The following SEMA3E variants were observed in gnomAD, a reference collection of about 807,000 sequenced individuals.
The protein encoded by SEMA3E is semaphorin-3E.
SEMA3E carries 49 observed loss-of-function variants against 93.6 expected under a neutral mutation model. The ratio of observed to expected loss-of-function variants is 0.52; its 90% CI spans 0.42 to 0.66. The LOEUF is 0.66. Ranked by LOEUF, SEMA3E falls within the 30% of genes least tolerant of loss-of-function variation. The pLI, the probability that SEMA3E is intolerant of heterozygous loss-of-function variation, is 0.00. For missense variants in SEMA3E, 906 were observed against 964.8 expected (o/e 0.94, Z 0.81); for synonymous variants, 363 against 330.7 (o/e 1.10, Z -1.06).
At chr7:83,510,192 A>T (rs1790788489) in intron 1 of SEMA3E, among the ~76,000 whole-genome samples, 1 of 152,168 alleles carries the variant, frequency 6.6e-6, no homozygotes. Flanking sequence ...ATCCTGTCAA[A>T]TCCACTCCAT....
intron 2 of SEMA3E, among the ~76,000 whole-genome samples, chr7:83,489,474 C>A (rs556527277): frequency 6.6e-6 from 1 of 151,768 alleles, no homozygotes; most frequent in South Asian, 2.1e-4. Flanking sequence ...AAGTGTATTA[C>A]ATAATACATG....
intron 1 of SEMA3E, among the ~76,000 whole-genome samples, chr7:83,571,621 T>C (rs536965482): frequency 6.6e-6 from 1 of 152,330 alleles, no homozygotes; most frequent in Admixed American, 6.5e-5. Flanking sequence ...AACATCATAC[T>C]GAATGAGCAA....
Position 83,418,387 on chromosome 7 carries a change from T to C in SEMA3E, c.550+3A>G. On this transcript the variant is annotated splice_donor_region_variant and intron_variant, in intron 5 of 16. Coordinates refer to ENST00000643230, the MANE Select transcript of SEMA3E (RefSeq NM_012431.3). ...ACCTGATGTCTGTGGCAATGACAAT[T>C]ACCAATTAAAGTGGAGATGAAGGAG... 1 of 1,600,138 alleles carries C rather than the reference T, an allele frequency of 6.2e-7. No homozygotes were observed. Among genetic ancestry groups the C allele is most frequent in the Non-Finnish European group, 8.6e-7 (1 of 1,168,766 alleles).
chr7:83,535,552 G>C (rs1791395021), intron 1 of SEMA3E, among the ~76,000 whole-genome samples: 1 of 151,906 alleles, frequency 6.6e-6, no homozygotes, highest in Non-Finnish European at 1.5e-5. Flanking sequence ...TTGCCTCAAA[G>C]ACAGCATTAA....
intron 1 of SEMA3E, among the ~76,000 whole-genome samples, chr7:83,584,623 T>C (rs1249123256): frequency 6.6e-6 from 1 of 152,150 alleles, no homozygotes; most frequent in African/African-American, 2.4e-5. Context: ...CAAAGCAAGC[T>C]GCTCTACGCC....
intron 8 of SEMA3E, 31 bp from the exon 9 acceptor site, chr7:83,405,550 G>A (rs1427231421): frequency 6.3e-7 from 1 of 1,583,570 alleles, no homozygotes; most frequent in African/African-American, 1.3e-5. Flanking sequence ...CCATCGCTTA[G>A]TATTTTTAGC....
intron 7 of SEMA3E, among the ~76,000 whole-genome samples, chr7:83,406,368 T>C: frequency 6.6e-6 from 1 of 152,114 alleles, no homozygotes; most frequent in East Asian, 1.9e-4. Flanking sequence ...ACAGTAATCA[T>C]GATTATTACT....
At chr7:83,521,700 G>A (rs1791052392) in intron 1 of SEMA3E, among the ~76,000 whole-genome samples, 1 of 152,040 alleles carries the variant, frequency 6.6e-6, no homozygotes, top group African/African-American at 2.4e-5. Flanking sequence ...CTGTCTTCTG[G>A]TGTTGTCCTC....
At chr7:83,634,674 G>A (rs1181942282) in intron 1 of SEMA3E, among the ~76,000 whole-genome samples, 1 of 151,700 alleles carries the variant, frequency 6.6e-6, no homozygotes. Flanking sequence ...GAATTACAAG[G>A]AAATTAAACC....
intron 1 of SEMA3E, among the ~76,000 whole-genome samples, chr7:83,628,033 A>G (rs1355556619): frequency 6.6e-6 from 1 of 152,102 alleles, no homozygotes; most frequent in Non-Finnish European, 1.5e-5. Flanking sequence ...ATCCCTCAGC[A>G]TTTGCTTGTC....
chr7:83,648,004 T>C (rs745595290), intron 1 of SEMA3E, among the ~76,000 whole-genome samples: 1 of 152,154 alleles, frequency 6.6e-6, no homozygotes, highest in Non-Finnish European at 1.5e-5. Context: ...AAAGAACAAA[T>C]TGCACCCCTA....
Position 83,648,453 on chromosome 7 carries a change from G to T in SEMA3E, c.90C>A (p.His30Gln). The T allele has an allele frequency of 5.0e-6, 8 of 1,612,030 alleles. No homozygotes were observed. The highest frequency in any genetic ancestry group is 6.8e-6 in the Non-Finnish European group (8 of 1,179,020). Residue 30 changes from histidine to glutamine, a missense_variant, in exon 1 of 17, where the codon CAC becomes CAA. Physicochemically the swap from His to Gln is conservative, Grantham distance 24. Transcript: ENST00000643230. The part of the protein sequence containing the change: ...WTGGHTADTT[H>Q]PRLRLSHKEL... ...CTTTATGTGACAGGCGTAACCGGGG[G>T]TGGGTAGTATCAGCTGTATGACCTC...
chr7:83,401,160 A>T (rs1482422357), intron 10 of SEMA3E, among the ~76,000 whole-genome samples: 1 of 152,172 alleles, frequency 6.6e-6, no homozygotes, highest in East Asian at 1.9e-4. Context: ...ACTACTGACT[A>T]AAAAATTAAA....
At chr7:83,553,272 C>T (rs1202553969) in intron 1 of SEMA3E, among the ~76,000 whole-genome samples, 2 of 152,130 alleles carry the variant, frequency 1.3e-5, no homozygotes, top group African/African-American at 4.8e-5. Context: ...TGCATAGTCT[C>T]TTTCCTCCTC....
chr7:83,533,956 C>G (rs1383938152), intron 1 of SEMA3E, among the ~76,000 whole-genome samples: 1 of 152,144 alleles, frequency 6.6e-6, no homozygotes, highest in African/African-American at 2.4e-5. Context: ...CTAGGACTCT[C>G]CTCTTTATCC....
intron 1 of SEMA3E, among the ~76,000 whole-genome samples, chr7:83,637,023 A>AGTGT (rs201112364): frequency 2.0e-5 from 3 of 148,886 alleles, no homozygotes; most frequent in Non-Finnish European, 3.0e-5. Flanking sequence ...TATGTGTGAG[A>AGTGT]GTGTGTGTGT....
At chr7:83,485,934 T>G (rs1790243115) in intron 2 of SEMA3E, among the ~76,000 whole-genome samples, 1 of 152,036 alleles carries the variant, frequency 6.6e-6, no homozygotes, top group African/African-American at 2.4e-5. Context: ...ACTAAAGAAA[T>G]AAATAGAAAG....
chr7:83,501,612 C>A (rs528449517), intron 1 of SEMA3E, among the ~76,000 whole-genome samples: 5 of 152,228 alleles, frequency 3.3e-5, no homozygotes, highest in African/African-American at 9.6e-5. Flanking sequence ...GCCACCACAC[C>A]CAGCTAATTT....
At position 83,366,123 on chromosome 7, in the gene SEMA3E, CT is replaced by C. The variant is rs1794663011; in HGVS notation, c.*1462del. ...ATGAAATTGCAAGTGATTATGAGCA[CT>C]TTAACTTAAATGTATAACCTATAAG... On this transcript the variant is annotated 3_prime_UTR_variant, in exon 17 of 17. Coordinates refer to ENST00000643230, the MANE Select transcript of SEMA3E (RefSeq NM_012431.3). 6.6e-6 allele frequency: 1 copy of C among 152,026 alleles called. No homozygotes were observed. The highest frequency in any genetic ancestry group is 1.5e-5 in the Non-Finnish European group (1 of 67,944). 9.4% of individuals were successfully genotyped at this position (152,026 alleles called of 1,614,324 possible).
Sources: gnomAD v4.1 joint callset for allele counts (sites outside exome capture counted in the v4.1 genomes callset) on GRCh38, gnomAD v4.1.1 for gene constraint, MANE v1.5 for transcripts, NCBI Gene and HGNC (gene_info 2026-07-23, HGNC 2026-07-21) for gene names.